DENND2A: variants seen among roughly 807,000 people sequenced by gnomAD.
The protein encoded by DENND2A is DENN domain-containing protein 2A.
Under a neutral mutation model 105.3 loss-of-function variants are expected in DENND2A, and 53 were observed. The observed-to-expected ratio is 0.50, with a 90% confidence interval of 0.40 to 0.63. The LOEUF (loss-of-function observed/expected upper bound fraction) is 0.63, where lower values mean the gene tolerates loss of function less well. Ranked by LOEUF, DENND2A falls within the 30% of genes least tolerant of loss-of-function variation. DENND2A has a pLI of 0.00. For missense variants in DENND2A, 1,138 were observed against 1,279.6 expected, an observed-to-expected ratio of 0.89 and a Z score of 1.69; for synonymous variants, 522 against 508.4, an observed-to-expected ratio of 1.03 and a Z score of -0.36.
At chr7:140,619,362 A>C (rs903894438) in intron 1 of DENND2A, among the ~76,000 whole-genome samples, 2 of 149,576 alleles carry the variant, frequency 1.3e-5, no homozygotes, top group Non-Finnish European at 3.0e-5. Context: ...GTGATTGCTG[A>C]GGTTAGGAGT....
At chr7:140,597,194 G>T (rs534610397) in intron 3 of DENND2A, among the ~76,000 whole-genome samples, 2 of 152,294 alleles carry the variant, frequency 1.3e-5, no homozygotes, top group Non-Finnish European at 2.9e-5. Flanking sequence ...ATCTGAATCC[G>T]CTGGTTTTGC....
At chr7:140,606,831 C>A (rs554483294) in intron 1 of DENND2A, among the ~76,000 whole-genome samples, 1 of 152,314 alleles carries the variant, frequency 6.6e-6, no homozygotes, top group African/African-American at 2.4e-5. Context: ...GACTCTGGTG[C>A]CTGGCCCCCA....
intron 7 of DENND2A, 37 bp downstream of exon 7, chr7:140,569,608 A>G (rs1302242573): frequency 4.9e-6 from 7 of 1,419,626 alleles, no homozygotes; most frequent in Non-Finnish European, 7.0e-6. Flanking sequence ...CTCTTTTCCG[A>G]TTCTTGCGGG....
chr7:140,580,079 G>C (rs1585680055), intron 5 of DENND2A, among the ~76,000 whole-genome samples: 1 of 152,062 alleles, frequency 6.6e-6, no homozygotes, highest in Admixed American at 6.6e-5. Flanking sequence ...CTGCACTCCA[G>C]CCTGGGCAAC....
intron 1 of DENND2A, among the ~76,000 whole-genome samples, chr7:140,613,740 C>T (rs1270234278): frequency 6.6e-6 from 1 of 151,620 alleles, no homozygotes; most frequent in Non-Finnish European, 1.5e-5. Flanking sequence ...GGACCTCCAA[C>T]TCACTATGCC....
At chr7:140,542,707 C>T (rs1244201970) in intron 14 of DENND2A, among the ~76,000 whole-genome samples, 1 of 151,798 alleles carries the variant, frequency 6.6e-6, no homozygotes, top group African/African-American at 2.4e-5. Context: ...GGATTACAGG[C>T]GTGGACCACC....
chr7:140,624,937 T>C (rs920445699), intron 1 of DENND2A, among the ~76,000 whole-genome samples: 2 of 150,684 alleles, frequency 1.3e-5, no homozygotes, highest in African/African-American at 2.4e-5. Flanking sequence ...GTGATGTGAA[T>C]ACAGCTTCGA....
intron 14 of DENND2A, among the ~76,000 whole-genome samples, chr7:140,541,994 C>T (rs1350601643): frequency 1.3e-5 from 2 of 151,960 alleles, no homozygotes; most frequent in Non-Finnish European, 1.5e-5. Flanking sequence ...TTTTTTCCTT[C>T]CCTTTTGTTT....
chr7:140,608,734 G>A (rs1447229758), intron 1 of DENND2A, among the ~76,000 whole-genome samples: 1 of 151,960 alleles, frequency 6.6e-6, no homozygotes, highest in Non-Finnish European at 1.5e-5. Context: ...TGCTAGTTGG[G>A]AGTGCTCTGT....
intron 8 of DENND2A, among the ~76,000 whole-genome samples, chr7:140,568,164 A>G (rs1797951143): frequency 1.3e-5 from 2 of 150,366 alleles, no homozygotes; most frequent in South Asian, 4.3e-4. Flanking sequence ...CTGGTCTTGA[A>G]CTCCCGACCT....
At chr7:140,561,465 G>A (rs988271183) in intron 9 of DENND2A, among the ~76,000 whole-genome samples, 3 of 150,384 alleles carry the variant, frequency 2.0e-5, no homozygotes, top group African/African-American at 7.3e-5. Context: ...TAAATATAAT[G>A]GCTAACCTAT....
At chr7:140,547,022 C>A in intron 12 of DENND2A, 83 bp from the exon 13 acceptor site, 1 of 1,513,964 alleles carries the variant, frequency 6.6e-7, no homozygotes, top group Non-Finnish European at 8.9e-7. Context: ...GTGGGCCTGC[C>A]ATGGTGACTC....
At chr7:140,549,024 G>A (rs565460463) in intron 12 of DENND2A, among the ~76,000 whole-genome samples, 3 of 151,228 alleles carry the variant, frequency 2.0e-5, no homozygotes, top group Non-Finnish European at 4.4e-5. Flanking sequence ...TTTGAGACCA[G>A]CCTGCCAACA....
At chr7:140,520,564 G>T (rs1249601249) in intron 18 of DENND2A, among the ~76,000 whole-genome samples, 1 of 144,312 alleles carries the variant, frequency 6.9e-6, no homozygotes, top group East Asian at 2.0e-4. Flanking sequence ...TCTTTCCAGG[G>T]TTTTTTTTTT....
At chr7:140,521,319 G>T (rs1232217754) in intron 18 of DENND2A, among the ~76,000 whole-genome samples, 1 of 151,910 alleles carries the variant, frequency 6.6e-6, no homozygotes, top group Non-Finnish European at 1.5e-5. Context: ...TCTCAACCAG[G>T]CTGGAGTGCA....
chr7:140,604,840 T>C (rs1208269132), intron 2 of DENND2A, among the ~76,000 whole-genome samples: 1 of 152,250 alleles, frequency 6.6e-6, no homozygotes, highest in Non-Finnish European at 1.5e-5. Flanking sequence ...CTGTGCCTGG[T>C]GCATAGCAGC....
intron 12 of DENND2A, among the ~76,000 whole-genome samples, chr7:140,550,918 C>A (rs1797106476): frequency 6.6e-6 from 1 of 151,500 alleles, no homozygotes; most frequent in Non-Finnish European, 1.5e-5. Context: ...AAGAAAAAGA[C>A]AATAATATGA....
At position 140,593,026 on chromosome 7, in the gene DENND2A, C is replaced by T. The variant is rs369454260; in HGVS notation, c.996-5246G>A. On this transcript the variant is annotated intron_variant, in intron 3 of 19. Transcript: ENST00000496613. ...TGTGATCACACCAATCCTTCAACTGCTAACCTAATTCTGTTCTCTACAAAT... is the reference window on the plus strand; with the variant it reads ...TGTGATCACACCAATCCTTCAACTGTTAACCTAATTCTGTTCTCTACAAAT... 3.0e-4 allele frequency among the ~76,000 whole-genome samples: 46 copies of T among 152,296 alleles called. No homozygotes were observed. The East Asian group carries it at 8.3e-3, about 27-fold the overall frequency.
chr7:140,532,484 C>T (rs1015421286), intron 14 of DENND2A, among the ~76,000 whole-genome samples: 1 of 152,178 alleles, frequency 6.6e-6, no homozygotes, highest in African/African-American at 2.4e-5. Context: ...GTTTAAGATT[C>T]CTTCTACGCG....
Sources: allele counts gnomAD v4.1 joint callset (sites outside exome capture counted in the v4.1 genomes callset), GRCh38; gene constraint gnomAD v4.1.1; transcripts MANE v1.5; gene names NCBI Gene and HGNC (gene_info 2026-07-23, HGNC 2026-07-21).